Variants in SLC17A4 observed in about 807,000 individuals in gnomAD.
SLC17A4 encodes the protein probable small intestine urate exporter.
Under a neutral mutation model 52.5 loss-of-function variants are expected in SLC17A4, and 33 were observed. That is an observed-to-expected ratio of 0.63 (90% confidence interval 0.48 to 0.84). SLC17A4 has a LOEUF of 0.84. Among genes scored for constraint, SLC17A4 ranks in the 40% least tolerant of loss-of-function variants. The pLI, the probability that SLC17A4 is intolerant of heterozygous loss-of-function variation, is 0.00. For missense variants in SLC17A4, 585 were observed against 597.1 expected, an observed-to-expected ratio of 0.98 and a Z score of 0.21; for synonymous variants, 225 against 216.2, an observed-to-expected ratio of 1.04 and a Z score of -0.36.
intron 2 of SLC17A4, among the ~76,000 whole-genome samples, chr6:25,766,129 TATA>T (rs1304548583): frequency 6.6e-6 from 1 of 150,470 alleles, no homozygotes; most frequent in Admixed American, 6.6e-5. Context: ...ATATTTAAAA[TATA>T]ATTGAATTAT....
intron 1 of SLC17A4, among the ~76,000 whole-genome samples, chr6:25,758,287 G>T: frequency 6.6e-6 from 1 of 152,230 alleles, no homozygotes; most frequent in South Asian, 2.1e-4. Flanking sequence ...TGGAGTGAGA[G>T]TGAATACCTG....
At chr6:25,758,417 A>G (rs545317649) in intron 1 of SLC17A4, among the ~76,000 whole-genome samples, 19 of 152,342 alleles carry the variant, frequency 1.2e-4, no homozygotes, top group African/African-American at 4.6e-4. Context: ...TTGTTGTAAC[A>G]CATGTAAACA....
Position 25,781,017 on chromosome 6 carries a change from G to A in SLC17A4, c.*1829G>A, listed in dbSNP as rs940222719. The A allele has an allele frequency of 6.6e-6, 1 of 152,156 alleles. No individual in the cohort carries two copies. The highest frequency in any genetic ancestry group is 2.4e-5 in the African/African-American group (1 of 41,502). 9.4% of individuals were successfully genotyped at this position (152,156 alleles called of 1,614,324 possible). On this transcript the variant is annotated 3_prime_UTR_variant, in exon 12 of 12. Coordinates refer to ENST00000377905, the MANE Select transcript of SLC17A4 (RefSeq NM_005495.3). ...TCTGGATTTCTCTTGTGAGACCTGG[G>A]CTCCATTTACAAACGTATAAATCAT...
rs1763195960 is a variant in SLC17A4 at position 25,779,417 on chromosome 6, C to A, written c.*229C>A. On this transcript the variant is annotated 3_prime_UTR_variant, in exon 12 of 12. Transcript: ENST00000377905. ...TGTTGAGATTTCTGTGTTCTCCACT[C>A]TTCCACTGTTATCCTAGTAAAAGCA... 2 of 469,344 alleles carry A rather than the reference C, an allele frequency of 4.3e-6. No individual in the cohort carries two copies. The highest frequency in any genetic ancestry group is 7.3e-6 in the Non-Finnish European group (2 of 272,488). The allele number at this position is 469,344 out of a possible 1,614,324, so 29.1% of individuals were successfully genotyped here.
In SLC17A4 at chr6:25,770,068, C is replaced by A. The variant is rs746476480; in HGVS notation, c.299C>A (p.Ala100Asp). The A allele has an allele frequency of 1.6e-5, 26 of 1,613,162 alleles. No individual in the cohort carries two copies. The highest frequency in any genetic ancestry group is 2.1e-5 in the Non-Finnish European group (25 of 1,179,326). ...NETLKEFKAMAPAYDWSPEIQ... is the reference protein window; with the variant it reads ...NETLKEFKAMDPAYDWSPEIQ... ...ACAGTAACTCTCTTTGTCATCTAGGCCCCTGCATATGACTGGAGTCCTGAA... is the reference window on the plus strand; with the variant it reads ...ACAGTAACTCTCTTTGTCATCTAGGACCCTGCATATGACTGGAGTCCTGAA... Residue 100 changes from alanine to aspartate, a missense_variant and splice_region_variant, in exon 4 of 12, where the codon GCC (alanine) becomes GAC (aspartate). Coordinates refer to ENST00000377905, the MANE Select transcript of SLC17A4 (RefSeq NM_005495.3).
Position 25,770,214 on chromosome 6 carries a change from T to C in SLC17A4, c.445T>C (p.Ser149Pro), listed in dbSNP as rs554420645. Reference protein sequence around the residue: ...YVVGAGLFISSFLTLFIPLAA... With the variant: ...YVVGAGLFISPFLTLFIPLAA... ...GGTTGGTGCTGGCTTGTTTATTTCC[T>C]CATTCCTGACCCTCTTCATTCCACT... The change falls in exon 4 of 12, where the codon TCA (serine) becomes CCA (proline). Residue 149 changes from serine to proline, a missense_variant. Transcript: ENST00000377905. 3.7e-6 allele frequency: 6 copies of C among 1,614,136 alleles called. No homozygotes were observed. In the Admixed American group the frequency reaches 8.3e-5, roughly 22 times the overall value.
At chr6:25,766,730 G>A (rs1292480677) in intron 2 of SLC17A4, among the ~76,000 whole-genome samples, 1 of 152,134 alleles carries the variant, frequency 6.6e-6, no homozygotes, top group Non-Finnish European at 1.5e-5. Flanking sequence ...TTTCAATTAA[G>A]GGATGCCCCA....
rs1265006429 is a variant in SLC17A4, at chr6:25,780,283, C to A, written c.*1095C>A. 6.6e-6 allele frequency: 1 copy of A among 152,150 alleles called. No homozygotes were observed. Among genetic ancestry groups the A allele is most frequent in the African/African-American group, 2.4e-5 (1 of 41,416 alleles). 9.4% of individuals were successfully genotyped at this position (152,150 alleles called of 1,614,324 possible). ...TAAGGAGTTCAGTGTCTCGGGAGGG[C>A]AGATAACTTTAATCAAAGTATCACA... On this transcript the variant is annotated 3_prime_UTR_variant, in exon 12 of 12. Coordinates refer to ENST00000377905, the MANE Select transcript of SLC17A4 (RefSeq NM_005495.3).
intron 2 of SLC17A4, among the ~76,000 whole-genome samples, chr6:25,762,886 A>G (rs978952978): frequency 2.6e-5 from 4 of 152,180 alleles, no homozygotes; most frequent in African/African-American, 9.7e-5. Context: ...AGACTATACC[A>G]TTGGCCAAAT....
intron 11 of SLC17A4, 122 bp from the exon 12 acceptor site, chr6:25,778,932 A>T: frequency 8.0e-7 from 1 of 1,248,564 alleles, no homozygotes; most frequent in Non-Finnish European, 1.1e-6. Flanking sequence ...CCAACTGGGA[A>T]GCCCATGGAA....
intron 1 of SLC17A4, 49 bp from the exon 2 acceptor site, chr6:25,761,878 A>G (rs1761566086): frequency 1.8e-6 from 2 of 1,093,668 alleles, no homozygotes; most frequent in Non-Finnish European, 1.3e-6. Context: ...TTGGGGTAAT[A>G]TCATATAAGA....
chr6:25,758,558 G>A (rs1315957799), intron 1 of SLC17A4, among the ~76,000 whole-genome samples: 1 of 151,896 alleles, frequency 6.6e-6, no homozygotes, highest in African/African-American at 2.4e-5. Context: ...TCTCCTCTAG[G>A]TTTTCTAGTT....
chr6:25,771,060 G>C, intron 6 of SLC17A4, 48 bp downstream of exon 6: 6 of 1,439,498 alleles, frequency 4.2e-6, no homozygotes, highest in Non-Finnish European at 5.9e-6. Flanking sequence ...AGACTTCTGT[G>C]ATGCAATTTA....
chr6:25,764,396 G>A (rs1428179524), intron 2 of SLC17A4, among the ~76,000 whole-genome samples: 2 of 152,090 alleles, frequency 1.3e-5, no homozygotes, highest in Admixed American at 6.6e-5. Flanking sequence ...GCCATCTGAA[G>A]GACAATTTAC....
intron 1 of SLC17A4, among the ~76,000 whole-genome samples, chr6:25,756,777 G>C (rs1348778123): frequency 1.3e-5 from 2 of 152,184 alleles, no homozygotes; most frequent in African/African-American, 2.4e-5. Flanking sequence ...TGCATTCATT[G>C]ATTCAATAAA....
intron 1 of SLC17A4, among the ~76,000 whole-genome samples, chr6:25,756,444 T>A (rs1004004822): frequency 1.6e-4 from 25 of 152,162 alleles, no homozygotes; most frequent in African/African-American, 6.0e-4. Context: ...AATGACCTAG[T>A]TGCTGTCAAT....
chr6:25,757,556 C>A (rs1434702020), intron 1 of SLC17A4, among the ~76,000 whole-genome samples: 2 of 152,092 alleles, frequency 1.3e-5, no homozygotes, highest in African/African-American at 4.8e-5. Context: ...CCCCTGCCCC[C>A]CAACCCGCTG....
chr6:25,777,056 C>G, intron 10 of SLC17A4, 97 bp downstream of exon 10: 1 of 1,344,384 alleles, frequency 7.4e-7, no homozygotes, highest in Non-Finnish European at 1.0e-6. Flanking sequence ...GCAGGTACAA[C>G]AGGTTGCAGG....
At chr6:25,762,074 C>A (rs761804047) in intron 2 of SLC17A4, 21 bp downstream of exon 2, 1 of 1,600,436 alleles carries the variant, frequency 6.2e-7, no homozygotes, top group African/African-American at 1.3e-5. Flanking sequence ...GCACAGTAAT[C>A]TGGTAGTAAA....
Sources: gnomAD v4.1 joint callset for allele counts (sites outside exome capture counted in the v4.1 genomes callset) on GRCh38, gnomAD v4.1.1 for gene constraint, MANE v1.5 for transcripts, NCBI Gene and HGNC (gene_info 2026-07-23, HGNC 2026-07-21) for gene names.